The following CSRNP3 variants were observed in gnomAD, a reference collection of about 807,000 sequenced individuals.
The protein encoded by CSRNP3 is cysteine and serine rich nuclear protein 3, also known as cysteine/serine-rich nuclear protein 3.
Under a neutral mutation model 48.0 loss-of-function variants are expected in CSRNP3, and 12 were observed. The observed-to-expected ratio is 0.25, with a 90% CI of 0.16 to 0.41. The LOEUF is 0.41. Among genes scored for constraint, CSRNP3 ranks in the 10% least tolerant of loss-of-function variants. The pLI is 1.00. For missense variants in CSRNP3, 580 were observed against 724.4 expected (o/e 0.80, Z 2.29); for synonymous variants, 263 against 269.7 (o/e 0.98, Z 0.24).
intron 1 of CSRNP3, among the ~76,000 whole-genome samples, chr2:165,474,629 A>G (rs1460109907): frequency 2.0e-4 from 30 of 152,240 alleles, no homozygotes; most frequent in Non-Finnish European, 1.5e-5. Flanking sequence ...GTGGGAAACT[A>G]AGTATTTGCT....
At chr2:165,658,910 G>A (rs1388546023) in intron 5 of CSRNP3, among the ~76,000 whole-genome samples, 1 of 152,170 alleles carries the variant, frequency 6.6e-6, no homozygotes, top group Non-Finnish European at 1.5e-5. Context: ...TGAGGACACA[G>A]CCAAACCATA....
In CSRNP3 at chr2:165,492,724, TAAA is replaced by T. The variant is rs11304265; in HGVS notation, c.-282-2016_-282-2014del. ...ACCCAGTAAGTAAGCACTATTAGAG[TAAA>T]AAAAAAAAAAAAAAAAAAGAACAAA... On this transcript the variant is annotated intron_variant, in intron 1 of 6. Transcript: ENST00000651982. Among the ~76,000 whole-genome samples, 148 of 110,152 alleles carry T rather than the reference TAAA, an allele frequency of 1.3e-3. 1 individual carries two copies. The highest frequency in any genetic ancestry group is 2.8e-3 in the East Asian group (11 of 3,884). 72.3% of individuals were successfully genotyped at this position (110,152 alleles called of 152,430 possible).
intron 4 of CSRNP3, among the ~76,000 whole-genome samples, chr2:165,647,991 G>A (rs1440517259): frequency 6.6e-6 from 1 of 152,092 alleles, no homozygotes. Flanking sequence ...AGAACGGGGG[G>A]AAAATTCCTA....
rs867328979 is a variant in CSRNP3 at position 165,680,079 on chromosome 2, G to A, written c.*326G>A. ...AGAGCTCCAAATTTTGGATTATCGGGCCTGTGCAAGATTGTTAACTAAGGC... is the reference window on the plus strand; with the variant it reads ...AGAGCTCCAAATTTTGGATTATCGGACCTGTGCAAGATTGTTAACTAAGGC... On this transcript the variant is annotated 3_prime_UTR_variant, in exon 7 of 7. Coordinates refer to ENST00000651982, the MANE Select transcript of CSRNP3 (RefSeq NM_001172173.2). The A allele has an allele frequency of 4.5e-6, 1 of 223,944 alleles. No homozygotes were observed. Among genetic ancestry groups the A allele is most frequent in the African/African-American group, 2.5e-5 (1 of 39,882 alleles). The allele number at this position is 223,944 out of a possible 1,614,324, so 13.9% of individuals were successfully genotyped here.
At chr2:165,517,782 C>G (rs902951260) in intron 2 of CSRNP3, 91 bp from the exon 3 acceptor site, 1 of 152,278 alleles carries the variant, frequency 6.6e-6, no homozygotes, top group African/African-American at 2.4e-5. Context: ...TGATTTTCTC[C>G]TATGTAATCA....
intron 3 of CSRNP3, among the ~76,000 whole-genome samples, chr2:165,529,630 CA>C (rs1214565445): frequency 6.6e-6 from 1 of 152,116 alleles, no homozygotes; most frequent in African/African-American, 2.4e-5. Context: ...TACACACATG[CA>C]TAGGAGTGCA....
chr2:165,636,693 A>G (rs777794743), intron 4 of CSRNP3, among the ~76,000 whole-genome samples: 2 of 152,244 alleles, frequency 1.3e-5, no homozygotes. Context: ...AGTCATATGC[A>G]TATTTTAATT....
intron 4 of CSRNP3, among the ~76,000 whole-genome samples, chr2:165,634,731 C>T (rs778123524): frequency 2.0e-5 from 3 of 152,226 alleles, no homozygotes; most frequent in Non-Finnish European, 1.5e-5. Flanking sequence ...GAAGCATGTT[C>T]TTTGCTTACA....
chr2:165,649,436 A>G (rs1686869659), intron 4 of CSRNP3, among the ~76,000 whole-genome samples: 1 of 152,192 alleles, frequency 6.6e-6, no homozygotes, highest in Non-Finnish European at 1.5e-5. Flanking sequence ...TTATAAACCT[A>G]GTTCTCCTCT....
At chr2:165,627,746 A>C (rs1686462291) in intron 4 of CSRNP3, among the ~76,000 whole-genome samples, 1 of 152,092 alleles carries the variant, frequency 6.6e-6, no homozygotes, top group South Asian at 2.1e-4. Flanking sequence ...TCCTCCCACC[A>C]TTAGTAACTA....
At chr2:165,668,881 A>G (rs1455999280) in intron 5 of CSRNP3, among the ~76,000 whole-genome samples, 1 of 152,190 alleles carries the variant, frequency 6.6e-6, no homozygotes, top group African/African-American at 2.4e-5. Flanking sequence ...TCTTGAAAGC[A>G]TGGCTCAAGC....
In CSRNP3 at chr2:165,678,878, A is replaced by C. The variant is rs748230804; in HGVS notation, c.883A>C (p.Ile295Leu). 6.2e-7 allele frequency: 1 copy of C among 1,613,910 alleles called. No homozygotes were observed. The highest frequency in any genetic ancestry group is 1.3e-5 in the African/African-American group (1 of 74,924). ...IPTLNGCHSEISAHSSSMGPV... is the reference protein window; with the variant it reads ...IPTLNGCHSELSAHSSSMGPV... ...CACGCTGAATGGCTGCCACAGTGAG[A>C]TAAGTGCTCACAGTAGTTCTATGGG... The change falls in exon 7 of 7, where the codon ATA (isoleucine) becomes CTA (leucine). Residue 295 changes from isoleucine to leucine, a missense_variant. Ile to Leu is a conservative substitution (Grantham distance 5, BLOSUM62 2). Around this residue, in one of 4 missense-constraint regions of CSRNP3, gnomAD observed 369 missense variants for 380.8 expected, o/e 0.97. Coordinates refer to ENST00000651982, the MANE Select transcript of CSRNP3 (RefSeq NM_001172173.2).
intron 5 of CSRNP3, among the ~76,000 whole-genome samples, chr2:165,665,982 A>T (rs1376401338): frequency 2.1e-5 from 1 of 47,788 alleles, no homozygotes; most frequent in Non-Finnish European, 4.8e-5. Flanking sequence ...GGAAGAAAGA[A>T]AGAGAGAAAG....
chr2:165,589,073 A>G (rs1044544612), intron 3 of CSRNP3, among the ~76,000 whole-genome samples: 5 of 152,250 alleles, frequency 3.3e-5, no homozygotes, highest in African/African-American at 1.2e-4. Context: ...GAACAAAAAT[A>G]TAATATGTAG....
At chr2:165,616,988 C>T (rs189107535) in intron 4 of CSRNP3, among the ~76,000 whole-genome samples, 175 of 152,128 alleles carry the variant, frequency 1.2e-3, no homozygotes, top group Middle Eastern at 6.8e-3. Flanking sequence ...TCATTGAATT[C>T]TTCAGTTCAA....
intron 2 of CSRNP3, among the ~76,000 whole-genome samples, chr2:165,503,904 G>A (rs1684390972): frequency 6.6e-6 from 1 of 151,892 alleles, no homozygotes; most frequent in African/African-American, 2.4e-5. Flanking sequence ...TTTGTCCTAA[G>A]TTAAGGAGAT....
intron 1 of CSRNP3, among the ~76,000 whole-genome samples, chr2:165,481,200 C>G (rs1017841946): frequency 1.3e-5 from 2 of 152,068 alleles, no homozygotes; most frequent in African/African-American, 4.8e-5. Context: ...AGGTTATATG[C>G]TCACGTTAAT....
intron 4 of CSRNP3, among the ~76,000 whole-genome samples, chr2:165,602,396 A>G (rs2105302478): frequency 6.6e-6 from 1 of 152,302 alleles, no homozygotes; most frequent in South Asian, 2.1e-4. Flanking sequence ...ACAACCAATT[A>G]GCTTTGGCTT....
chr2:165,564,261 A>G (rs1354042617), intron 3 of CSRNP3, among the ~76,000 whole-genome samples: 1 of 152,078 alleles, frequency 6.6e-6, no homozygotes, highest in Non-Finnish European at 1.5e-5. Context: ...AATTTCCTTG[A>G]TATCTAAAAG....
Sources: gnomAD v4.1 joint callset for allele counts (sites outside exome capture counted in the v4.1 genomes callset) on GRCh38, gnomAD v4.1.1 for gene constraint, gnomAD v4.1.1 regional missense constraint, MANE v1.5 for transcripts, NCBI Gene and HGNC (gene_info 2026-07-23, HGNC 2026-07-21) for gene names.